NRXN3: variants seen among roughly 807,000 people sequenced by gnomAD.
NRXN3 encodes neurexin III.
A neutral mutation model predicts 137.6 loss-of-function variants in NRXN3; 32 were observed. The ratio of observed to expected loss-of-function variants is 0.23; its 90% CI spans 0.18 to 0.31. The LOEUF is 0.31. Ranked by LOEUF, NRXN3 falls within the 10% of genes least tolerant of loss-of-function variation. NRXN3 has a pLI of 1.00. For missense variants in NRXN3, 1,574 were observed against 2,062.5 expected, an observed-to-expected ratio of 0.76 and a Z score of 4.59; for synonymous variants, 798 against 784.5, an observed-to-expected ratio of 1.02 and a Z score of -0.29.
rs964681149 is a variant in NRXN3, at chr14:78,234,993, T to C, written c.-703-7398T>C. On this transcript the variant is annotated intron_variant, in intron 1 of 20. Coordinates refer to ENST00000335750, the MANE Select transcript of NRXN3 (RefSeq NM_001330195.2). ...TGATTATCTGGCAGCCACAAATGCT[T>C]TTATATATATATATATATATATATA... Among the ~76,000 whole-genome samples, 30 of 41,622 alleles carry C rather than the reference T, an allele frequency of 7.2e-4. 1 individual carries two copies. The highest frequency in any genetic ancestry group is 3.5e-3 in the African/African-American group (29 of 8,172). 27.3% of individuals were successfully genotyped at this position (41,622 alleles called of 152,430 possible). A position where few individuals can be genotyped will look rare whatever the true frequency, so the allele number is the denominator to read the frequency against.
At position 78,943,622 on chromosome 14, in the gene NRXN3, ATATATATATATATATATATAT is replaced by A. The variant is rs1186903361; in HGVS notation, c.2276-13619_2276-13599del. On this transcript the variant is annotated intron_variant, in intron 10 of 20. Transcript: ENST00000335750. ...GCAAGATCACTGTTAAAAAAAAAAA[ATATATATATATATATATATAT>A]ATATATATATATATATATATATATA... Among the ~76,000 whole-genome samples, 68 of 24,278 alleles carry A rather than the reference ATATATATATATATATATATAT, an allele frequency of 2.8e-3. 2 individuals carry two copies. Among genetic ancestry groups the A allele is most frequent in the East Asian group, 7.9e-3 (9 of 1,140 alleles). The allele number at this position is 24,278 out of a possible 152,430, so 15.9% of individuals were successfully genotyped here. A position where few individuals can be genotyped will look rare whatever the true frequency, so the allele number is the denominator to read the frequency against.
chr14:78,696,624 T>C (rs8011702), intron 6 of NRXN3, among the ~76,000 whole-genome samples: 48,432 of 151,874 alleles, frequency 0.32, 9,315 homozygotes, highest in African/African-American at 0.53. Flanking sequence ...TGCTGCTTCT[T>C]GTGCCTCAGA....
chr14:79,013,072 A>G (rs2099573756), intron 15 of NRXN3, among the ~76,000 whole-genome samples: 1 of 152,192 alleles, frequency 6.6e-6, no homozygotes, highest in Non-Finnish European at 1.5e-5. Flanking sequence ...AGTAGGAGGC[A>G]TGGTGGTACA....
At chr14:78,540,707 T>A (rs555332761) in intron 4 of NRXN3, among the ~76,000 whole-genome samples, 114 of 152,356 alleles carry the variant, frequency 7.5e-4, no homozygotes, top group African/African-American at 2.6e-3. Context: ...AGTTTCTTCA[T>A]ACCATCAATG....
chr14:79,262,893 T>A (rs948666716), intron 15 of NRXN3, among the ~76,000 whole-genome samples: 20 of 152,272 alleles, frequency 1.3e-4, no homozygotes, highest in African/African-American at 4.6e-4. Flanking sequence ...GACTCTACTT[T>A]ATCATCTTTT....
chr14:79,671,792 C>T (rs543982400), intron 17 of NRXN3, among the ~76,000 whole-genome samples: 1 of 151,982 alleles, frequency 6.6e-6, no homozygotes, highest in East Asian at 1.9e-4. Context: ...ATAAATGTCT[C>T]TAAGAAGCTG....
intron 4 of NRXN3, among the ~76,000 whole-genome samples, chr14:78,527,256 A>G (rs1210251282): frequency 6.6e-6 from 1 of 152,208 alleles, no homozygotes; most frequent in Non-Finnish European, 1.5e-5. Context: ...CAGGAAGCAC[A>G]GCAGCATCTT....
intron 4 of NRXN3, among the ~76,000 whole-genome samples, chr14:78,511,840 C>T (rs2096114161): frequency 6.6e-6 from 1 of 152,124 alleles, no homozygotes; most frequent in Admixed American, 6.5e-5. Context: ...GGACTTCCAG[C>T]TCCCAGGCAA....
At chr14:79,362,659 A>G (rs1031996804) in intron 15 of NRXN3, among the ~76,000 whole-genome samples, 3 of 152,214 alleles carry the variant, frequency 2.0e-5, no homozygotes, top group African/African-American at 7.2e-5. Context: ...ATTGTAAAAC[A>G]AAGGGAAGAT....
Position 78,780,933 on chromosome 14 carries a change from AT to A in NRXN3, c.2045-22684del, listed in dbSNP as rs570429751. ...ATGACATTTGGCCTCACAATTGCAT[AT>A]TTATGTAAACACTTAAGGGAAACTC... On this transcript the variant is annotated intron_variant, in intron 8 of 20. Transcript: ENST00000335750. Among the ~76,000 whole-genome samples the A allele has an allele frequency of 2.0e-4, 31 of 152,336 alleles. 1 individual carries two copies. The South Asian group carries it at 6.4e-3, about 32-fold the overall frequency.
At chr14:79,237,906 T>C (rs535476107) in intron 15 of NRXN3, among the ~76,000 whole-genome samples, 1 of 152,280 alleles carries the variant, frequency 6.6e-6, no homozygotes, top group Non-Finnish European at 1.5e-5. Context: ...TGAGTCTGCC[T>C]CATGGGAACA....
chr14:78,641,729 G>A (rs192379920), intron 4 of NRXN3, among the ~76,000 whole-genome samples: 3 of 152,314 alleles, frequency 2.0e-5, no homozygotes, highest in African/African-American at 4.8e-5. Flanking sequence ...AAAAGATGGG[G>A]AAGGTTGTGA....
intron 20 of NRXN3, chr14:79,854,070 AC>A: frequency 6.1e-6 from 6 of 984,738 alleles, no homozygotes; most frequent in Non-Finnish European, 7.2e-6. Context: ...GAAAAATTAG[AC>A]ATTTTGCTCA....
rs149115343 is a variant in NRXN3 at position 79,496,808 on chromosome 14, G to A, written c.3444+29406G>A. On this transcript the variant is annotated intron_variant, in intron 16 of 20. Coordinates refer to ENST00000335750, the MANE Select transcript of NRXN3 (RefSeq NM_001330195.2). ...GCACCAAACCCTTGTCAGGCCTTGG[G>A]CTAGGTCCTGGAGACCCAAAAGCAG... Among the ~76,000 whole-genome samples the A allele has an allele frequency of 9.8e-3, 1,487 of 152,328 alleles. 11 individuals are homozygous for A. The highest frequency in any genetic ancestry group is 0.017 in the Middle Eastern group (5 of 294).
intron 16 of NRXN3, among the ~76,000 whole-genome samples, chr14:79,600,895 A>C (rs903986940): frequency 6.6e-5 from 10 of 151,892 alleles, no homozygotes; most frequent in African/African-American, 2.4e-4. Context: ...GAAGGAAGAC[A>C]AGGGAAGGGA....
At position 78,668,848 on chromosome 14, in the gene NRXN3, G is replaced by GACCAA. The variant is rs564419549; in HGVS notation, c.1221+17522_1221+17523insACCAA. Among the ~76,000 whole-genome samples the GACCAA allele has an allele frequency of 2.0e-3, 299 of 152,262 alleles. 1 individual carries two copies. Among genetic ancestry groups the GACCAA allele is most frequent in the African/African-American group, 6.3e-3 (262 of 41,544 alleles). On this transcript the variant is annotated intron_variant, in intron 6 of 20. Transcript: ENST00000335750. Reference sequence around the variant, plus strand: ...AAGTGAATTGAATTGGCCCCAGAGGGTTAGTTTGCTGACTCTTGCTATAGT... The same window carrying GACCAA: ...AAGTGAATTGAATTGGCCCCAGAGGGACCAATTAGTTTGCTGACTCTTGCTATAGT...
chr14:79,086,347 T>A (rs532748405), intron 15 of NRXN3, among the ~76,000 whole-genome samples: 8 of 152,270 alleles, frequency 5.3e-5, no homozygotes, highest in Admixed American at 3.9e-4. Context: ...ACCATTTGCC[T>A]CTCTACTAGG....
intron 10 of NRXN3, among the ~76,000 whole-genome samples, chr14:78,881,019 C>A (rs1316608869): frequency 6.6e-6 from 1 of 151,908 alleles, no homozygotes; most frequent in Non-Finnish European, 1.5e-5. Flanking sequence ...AGTGAGTTCT[C>A]ACAAGATTTG....
intron 4 of NRXN3, among the ~76,000 whole-genome samples, chr14:78,481,393 G>A (rs1228760387): frequency 6.6e-6 from 1 of 152,042 alleles, no homozygotes; most frequent in Admixed American, 6.5e-5. Context: ...TTCTACCTGC[G>A]AAAATATTAG....
Sources: gnomAD v4.1 joint callset for allele counts (sites outside exome capture counted in the v4.1 genomes callset) on GRCh38, gnomAD v4.1.1 for gene constraint, MANE v1.5 for transcripts, NCBI Gene and HGNC (gene_info 2026-07-23, HGNC 2026-07-21) for gene names.